The following PCDHGB1 variants were observed in gnomAD, a reference collection of about 807,000 sequenced individuals.
The protein encoded by PCDHGB1 is protocadherin gamma-B1.
A neutral mutation model predicts 56.6 loss-of-function variants in PCDHGB1; 34 were observed. The ratio of observed to expected loss-of-function variants is 0.60; its 90% confidence interval spans 0.46 to 0.80. PCDHGB1 has a LOEUF of 0.80. PCDHGB1 is among the 30% of genes least tolerant of loss of function. PCDHGB1 has a pLI of 0.00. For missense variants in PCDHGB1, 1,278 were observed against 1,204.6 expected, an observed-to-expected ratio of 1.06 and a Z score of -0.90; for synonymous variants, 561 against 505.9, an observed-to-expected ratio of 1.11 and a Z score of -1.46.
rs150984625 is a variant in PCDHGB1 at position 141,351,862 on chromosome 5, C to T, written c.1602C>T (p.Gly534=). Residue 534 remains glycine (G), a synonymous_variant, in exon 1 of 4, where the codon GGC becomes GGT. Coordinates refer to ENST00000523390, the MANE Select transcript of PCDHGB1 (RefSeq NM_018922.3). ...TCACACTGCAGGCCAGGGACCAGGG[C>T]TCCCCCGCGCTCAGCGCCAACGTGA... ...FELTLQARDQ[G]SPALSANVSL... is the part of the protein sequence containing the mutation. 33 of 1,613,236 alleles carry T rather than the reference C, an allele frequency of 2.0e-5. No individual in the cohort carries two copies. The highest frequency in any genetic ancestry group is 3.3e-5 in the South Asian group (3 of 91,058).
At chr5:141,453,922 T>C (rs2098777315) in intron 1 of PCDHGB1, among the ~76,000 whole-genome samples, 1 of 152,230 alleles carries the variant, frequency 6.6e-6, no homozygotes, top group African/African-American at 2.4e-5. Context: ...CAGTGATCAG[T>C]CACTGTGTGC....
intron 1 of PCDHGB1, chr5:141,398,025 A>T (rs1481347884): frequency 1.4e-6 from 2 of 1,445,136 alleles, no homozygotes; most frequent in Non-Finnish European, 1.8e-6. Flanking sequence ...CTAAACTGGA[A>T]CTGGAACTAA....
chr5:141,397,271 T>C (rs552218945), intron 1 of PCDHGB1, among the ~76,000 whole-genome samples: 1 of 152,312 alleles, frequency 6.6e-6, no homozygotes, highest in East Asian at 1.9e-4. Context: ...AGCTACATCA[T>C]ATGGGCAGTA....
chr5:141,390,730 A>G (rs964390196), intron 1 of PCDHGB1: 1 of 195,852 alleles, frequency 5.1e-6, no homozygotes, highest in African/African-American at 2.4e-5. Flanking sequence ...TTTAACTGGT[A>G]TGGTCTCCAT....
chr5:141,394,661 C>T (rs1471316947), intron 1 of PCDHGB1: 1 of 1,613,378 alleles, frequency 6.2e-7, no homozygotes, highest in Non-Finnish European at 8.5e-7. Flanking sequence ...AGCCGGGACT[C>T]TTCTCGGTGG....
chr5:141,418,677 T>A (rs1717013168), intron 1 of PCDHGB1: 1 of 1,613,930 alleles, frequency 6.2e-7, no homozygotes, highest in African/African-American at 1.3e-5. Flanking sequence ...GACGAGGGCA[T>A]CAACTCAGAG....
intron 1 of PCDHGB1, among the ~76,000 whole-genome samples, chr5:141,434,881 A>C (rs1221252749): frequency 6.6e-6 from 1 of 151,958 alleles, no homozygotes; most frequent in Non-Finnish European, 1.5e-5. Context: ...AGATACCAAC[A>C]ACAATCCAGT....
chr5:141,389,233 T>C (rs1374129511), intron 1 of PCDHGB1: 1 of 1,613,926 alleles, frequency 6.2e-7, no homozygotes, highest in Non-Finnish European at 8.5e-7. Context: ...GCTCCGGTTT[T>C]CTCACAGTCT....
intron 1 of PCDHGB1, chr5:141,430,780 C>T: frequency 6.6e-7 from 1 of 1,511,476 alleles, no homozygotes; most frequent in Non-Finnish European, 8.8e-7. Flanking sequence ...CGCGACTGCA[C>T]CGGGACTACA....
At chr5:141,445,471 T>A (rs533909401) in intron 1 of PCDHGB1, among the ~76,000 whole-genome samples, 17 of 152,204 alleles carry the variant, frequency 1.1e-4, no homozygotes, top group Non-Finnish European at 2.4e-4. Context: ...AAGGCATATA[T>A]GATTCCTGAG....
intron 1 of PCDHGB1, chr5:141,417,547 G>C (rs756455730): frequency 9.7e-5 from 31 of 318,264 alleles, no homozygotes; most frequent in Non-Finnish European, 1.5e-4. Flanking sequence ...AAAATTCCTT[G>C]AAAGAGGTAG....
intron 1 of PCDHGB1, chr5:141,388,629 G>T (rs755930967): frequency 6.2e-7 from 1 of 1,613,942 alleles, no homozygotes. Context: ...CGTATACAGG[G>T]TGAGCCTTTC....
At chr5:141,479,964 A>G (rs188553800) in intron 1 of PCDHGB1, among the ~76,000 whole-genome samples, 1 of 152,330 alleles carries the variant, frequency 6.6e-6, no homozygotes, top group East Asian at 1.9e-4. Context: ...AGTTAGTCAA[A>G]TGAGGTTCTA....
In PCDHGB1 at chr5:141,418,244, C is replaced by T. The variant is rs746986702; in HGVS notation, c.2409+65575C>T. 1.3e-5 allele frequency: 21 copies of T among 1,613,980 alleles called. No individual in the cohort carries two copies. The South Asian group carries it at 2.2e-4, about 17-fold the overall frequency. ...TGTGGTGATTGAGGATGTTAATGAC[C>T]ACGCCCCTCAATTCCGGAAAGATGA... is the stretch of plus-strand genomic sequence containing the variant. On this transcript the variant is annotated intron_variant, in intron 1 of 3. Transcript: ENST00000523390.
rs752984415 is a variant in PCDHGB1, at chr5:141,360,537, A to G, written c.2409+7868A>G. 29 of 1,614,000 alleles carry G rather than the reference A, an allele frequency of 1.8e-5. 1 individual carries two copies. The South Asian group carries it at 2.9e-4, about 16-fold the overall frequency. On this transcript the variant is annotated intron_variant, in intron 1 of 3. Transcript: ENST00000523390. ...TAAATGATAATACCCCGCTATTCAA[A>G]CAGACTAAGATTAATTTAAAAATTG...
Position 141,390,134 on chromosome 5 carries a change from C to T in PCDHGB1, c.2409+37465C>T, listed in dbSNP as rs758087998. ...GCGAGGGGACTTTGCCTTATTCCTACAATCTATGTGTTGCACATACAGGAA... is the reference window on the plus strand; with the variant it reads ...GCGAGGGGACTTTGCCTTATTCCTATAATCTATGTGTTGCACATACAGGAA... On this transcript the variant is annotated intron_variant, in intron 1 of 3. Coordinates refer to ENST00000523390, the MANE Select transcript of PCDHGB1 (RefSeq NM_018922.3). The T allele has an allele frequency of 1.2e-5, 20 of 1,613,930 alleles. No homozygotes were observed. The Admixed American group carries it at 1.8e-4, about 15-fold the overall frequency.
rs771106873 is a variant in PCDHGB1, at chr5:141,426,860, A to C, written c.2410-67947A>C. 5 of 456,702 alleles carry C rather than the reference A, an allele frequency of 1.1e-5. No individual in the cohort carries two copies. In the Admixed American group the frequency reaches 1.2e-4, roughly 11 times the overall value. The allele number at this position is 456,702 out of a possible 1,614,324, so 28.3% of individuals were successfully genotyped here. A position where few individuals can be genotyped will look rare whatever the true frequency, so the allele number is the denominator to read the frequency against. On this transcript the variant is annotated intron_variant, in intron 1 of 3. Transcript: ENST00000523390. ...CTAAAGGCAAGAACGCTCCAGAATT[A>C]GTGCTGGAGAAGCCCCTGGGCCAGG...
chr5:141,366,015 T>A, intron 1 of PCDHGB1: 1 of 1,614,144 alleles, frequency 6.2e-7, no homozygotes, highest in Non-Finnish European at 8.5e-7. Flanking sequence ...ACGCCTGAGA[T>A]CCTGTACCCC....
At chr5:141,398,977 A>G (rs761532339) in intron 1 of PCDHGB1, 2 of 1,613,952 alleles carry the variant, frequency 1.2e-6, no homozygotes, top group Non-Finnish European at 1.7e-6. Context: ...CTTCTACAGA[A>G]CCGGGCAAAT....
Sources: gnomAD v4.1 joint callset for allele counts (sites outside exome capture counted in the v4.1 genomes callset) on GRCh38, gnomAD v4.1.1 for gene constraint, MANE v1.5 for transcripts, NCBI Gene and HGNC (gene_info 2026-07-23, HGNC 2026-07-21) for gene names.